Variants in WDR1 observed in about 807,000 individuals in gnomAD.
WDR1 encodes WD repeat domain 1, also known as WD repeat-containing protein 1.
A neutral mutation model predicts 71.9 loss-of-function variants in WDR1; 21 were observed. That is an observed-to-expected ratio of 0.29 (90% confidence interval 0.21 to 0.42). WDR1 has a LOEUF of 0.42. Among genes scored for constraint, WDR1 ranks in the 10% least tolerant of loss-of-function variants. The pLI, the probability that WDR1 is intolerant of heterozygous loss-of-function variation, is 1.00. For missense variants in WDR1, 696 were observed against 824.5 expected (o/e 0.84, Z 1.91); for synonymous variants, 424 against 347.4 (o/e 1.22, Z -2.45).
At chr4:10,111,637 G>C (rs1329005924) in intron 2 of WDR1, among the ~76,000 whole-genome samples, 1 of 152,218 alleles carries the variant, frequency 6.6e-6, no homozygotes, top group Non-Finnish European at 1.5e-5. Flanking sequence ...CACGCAGGTA[G>C]TCAGCAGGCG....
At position 10,074,970 on chromosome 4, in the gene WDR1, AATGTT is replaced by A. The variant is rs1764742244; in HGVS notation, c.*403_*407del. On this transcript the variant is annotated 3_prime_UTR_variant, in exon 15 of 15. Coordinates refer to ENST00000499869, the MANE Select transcript of WDR1 (RefSeq NM_017491.5). ...TATTCCCTCTTCTCACTAGTACAGA[AATGTT>A]CTGCAGGCAGGAACATGAGCCCCCC... The A allele has an allele frequency of 4.1e-6, 1 of 244,934 alleles. No homozygotes were observed. Among genetic ancestry groups the A allele is most frequent in the African/African-American group, 2.2e-5 (1 of 45,034 alleles). 15.2% of individuals were successfully genotyped at this position (244,934 alleles called of 1,614,324 possible).
At chr4:10,078,269 C>A (rs867090696) in intron 12 of WDR1, among the ~76,000 whole-genome samples, 11 of 152,174 alleles carry the variant, frequency 7.2e-5, no homozygotes, top group Non-Finnish European at 1.6e-4. Context: ...CACTGCCACG[C>A]CTGCTGCAGG....
At chr4:10,088,033 A>T in intron 7 of WDR1, 93 bp from the exon 8 acceptor site, 3 of 1,225,334 alleles carry the variant, frequency 2.4e-6, no homozygotes, top group Non-Finnish European at 3.4e-6. Flanking sequence ...CTGTTTGAGT[A>T]GGACAGAAGG....
At chr4:10,082,939 A>G (rs1765071357) in intron 10 of WDR1, 83 bp downstream of exon 10, 2 of 1,516,348 alleles carry the variant, frequency 1.3e-6, no homozygotes, top group East Asian at 2.3e-5. Context: ...GGCGTCCTCC[A>G]GAACAGTAAC....
intron 2 of WDR1, 68 bp from the exon 3 acceptor site, chr4:10,104,054 C>T (rs751776944): frequency 3.4e-6 from 5 of 1,469,960 alleles, no homozygotes; most frequent in Non-Finnish European, 4.7e-6. Flanking sequence ...CTCTCCACAT[C>T]AACAGATATG....
chr4:10,089,564 G>C (rs1239636054), intron 5 of WDR1, among the ~76,000 whole-genome samples: 1 of 152,216 alleles, frequency 6.6e-6, no homozygotes, highest in Non-Finnish European at 1.5e-5. Context: ...TTGTATCAGA[G>C]ACTGATCCTT....
intron 5 of WDR1, chr4:10,092,836 C>T (rs1030012872): frequency 9.3e-5 from 34 of 366,364 alleles, no homozygotes; most frequent in Admixed American, 2.2e-4. Context: ...CTGCCCTCAC[C>T]GGCCCCCTGC....
chr4:10,083,437 C>T (rs1308678233), intron 9 of WDR1, among the ~76,000 whole-genome samples: 2 of 152,210 alleles, frequency 1.3e-5, no homozygotes, highest in East Asian at 1.9e-4. Flanking sequence ...GACCAGCAAG[C>T]TGGGGAGGCT....
At position 10,074,959 on chromosome 4, in the gene WDR1, A is replaced by AGG. The variant is rs1764741481; in HGVS notation, c.*418_*419insCC. 1 of 219,622 alleles carries AGG rather than the reference A, an allele frequency of 4.6e-6. No individual in the cohort carries two copies. Among genetic ancestry groups the AGG allele is most frequent in the African/African-American group, 2.3e-5 (1 of 44,052 alleles). The allele number at this position is 219,622 out of a possible 1,614,324, so 13.6% of individuals were successfully genotyped here. On this transcript the variant is annotated 3_prime_UTR_variant, in exon 15 of 15. Coordinates refer to ENST00000499869, the MANE Select transcript of WDR1 (RefSeq NM_017491.5). ...ACTGCAATGCATATTCCCTCTTCTCACTAGTACAGAAATGTTCTGCAGGCA... is the reference window on the plus strand; with the variant it reads ...ACTGCAATGCATATTCCCTCTTCTCAGGCTAGTACAGAAATGTTCTGCAGGCA...
intron 2 of WDR1, among the ~76,000 whole-genome samples, chr4:10,114,120 A>T (rs948632800): frequency 2.5e-4 from 38 of 152,152 alleles, no homozygotes; most frequent in African/African-American, 9.2e-4. Context: ...CCATCCAACT[A>T]ACAAGAGACT....
intron 3 of WDR1, among the ~76,000 whole-genome samples, chr4:10,101,384 C>A (rs563361893): frequency 6.6e-6 from 1 of 152,226 alleles, no homozygotes; most frequent in Non-Finnish European, 1.5e-5. Flanking sequence ...TCTTTCTCAG[C>A]CCCCTTCTCC....
At chr4:10,097,212 C>T (rs888973914) in intron 5 of WDR1, among the ~76,000 whole-genome samples, 1 of 152,272 alleles carries the variant, frequency 6.6e-6, no homozygotes, top group Non-Finnish European at 1.5e-5. Context: ...CAAAGCCTGC[C>T]GCATTTCTGG....
chr4:10,104,202 C>T (rs1712886331), intron 2 of WDR1, among the ~76,000 whole-genome samples: 1 of 152,200 alleles, frequency 6.6e-6, no homozygotes, highest in African/African-American at 2.4e-5. Flanking sequence ...AATTCGTTCT[C>T]CTTAGTCTAT....
chr4:10,103,273 C>CAT (rs1712810450), intron 3 of WDR1, among the ~76,000 whole-genome samples: 1 of 95,212 alleles, frequency 1.1e-5, no homozygotes, highest in Non-Finnish European at 2.0e-5. Context: ...CACATACACA[C>CAT]ACACACACAC....
In WDR1 at chr4:10,102,779, G is replaced by C. The variant is rs530660442; in HGVS notation, c.229+1117C>G. 2.0e-5 allele frequency among the ~76,000 whole-genome samples: 3 copies of C among 152,282 alleles called. No individual in the cohort carries two copies. The East Asian group carries it at 5.8e-4, about 29-fold the overall frequency. On this transcript the variant is annotated intron_variant, in intron 3 of 14. Coordinates refer to ENST00000499869, the MANE Select transcript of WDR1 (RefSeq NM_017491.5). The stretch of plus-strand genomic sequence containing the variant: ...ACAAGCATAGGGCCACGGCGTGCAT[G>C]AGTCCCGCCCTCCCCTACTGGTGCT...
At chr4:10,098,960 A>G (rs1712521623) in intron 4 of WDR1, 32 bp downstream of exon 4, 1 of 1,613,220 alleles carries the variant, frequency 6.2e-7, no homozygotes, top group Non-Finnish European at 8.5e-7. Flanking sequence ...CCACAGCAAC[A>G]GGGCAGGGAG....
intron 4 of WDR1, 139 bp from the exon 5 acceptor site, chr4:10,098,030 G>A: frequency 1.2e-6 from 1 of 847,044 alleles, no homozygotes; most frequent in Non-Finnish European, 1.8e-6. Flanking sequence ...AACGCCACAG[G>A]GACAAATGAG....
chr4:10,103,378 C>T (rs1297695829), intron 3 of WDR1, among the ~76,000 whole-genome samples: 2 of 152,064 alleles, frequency 1.3e-5, no homozygotes. Context: ...AGGTCCCTGG[C>T]CAACCTCATG....
chr4:10,109,720 A>C (rs1577078667), intron 2 of WDR1, among the ~76,000 whole-genome samples: 1 of 152,064 alleles, frequency 6.6e-6, no homozygotes, highest in East Asian at 1.9e-4. Flanking sequence ...CCTACTCCCC[A>C]CCCAGGGCCC....
Sources: gnomAD v4.1 joint callset for allele counts (sites outside exome capture counted in the v4.1 genomes callset) on GRCh38, gnomAD v4.1.1 for gene constraint, MANE v1.5 for transcripts, NCBI Gene and HGNC (gene_info 2026-07-23, HGNC 2026-07-21) for gene names.